Variants in TBXAS1 observed in about 807,000 individuals in gnomAD.
TBXAS1 encodes the protein thromboxane A synthase 1.
Under a neutral mutation model 60.7 loss-of-function variants are expected in TBXAS1, and 48 were observed. The observed-to-expected ratio is 0.79, with a 90% CI of 0.63 to 1.01. TBXAS1 has a LOEUF of 1.01. Among genes scored for constraint, TBXAS1 ranks in the 50% least tolerant of loss-of-function variants. The pLI, the probability that TBXAS1 is intolerant of heterozygous loss-of-function variation, is 0.00. For missense variants in TBXAS1, 685 were observed against 686.3 expected (o/e 1.00, Z 0.02); for synonymous variants, 287 against 269.7 (o/e 1.06, Z -0.63).
At chr7:139,907,668 C>A in intron 3 of TBXAS1, among the ~76,000 whole-genome samples, 1 of 151,990 alleles carries the variant, frequency 6.6e-6, no homozygotes. Context: ...ACATTGAGTA[C>A]CACATCATAG....
chr7:139,820,167 G>A (rs1798258441), intron 4 of TBXAS1, among the ~76,000 whole-genome samples: 2 of 152,054 alleles, frequency 1.3e-5, no homozygotes, highest in Admixed American at 1.3e-4. Flanking sequence ...TCTAAGACTT[G>A]CCTTAAGGCA....
At chr7:139,885,677 T>C (rs13223412) in intron 3 of TBXAS1, among the ~76,000 whole-genome samples, 90 of 152,372 alleles carry the variant, frequency 5.9e-4, no homozygotes, top group Non-Finnish European at 9.1e-4. Flanking sequence ...TTACTAAATT[T>C]GAAGAAGCAA....
chr7:139,894,450 C>T (rs1019161291), intron 3 of TBXAS1, among the ~76,000 whole-genome samples: 1 of 152,096 alleles, frequency 6.6e-6, no homozygotes, highest in Admixed American at 6.5e-5. Flanking sequence ...GCTCTCACCA[C>T]TTAGAAACCA....
chr7:139,987,389 G>A (rs1039342789), intron 9 of TBXAS1, among the ~76,000 whole-genome samples: 1 of 152,168 alleles, frequency 6.6e-6, no homozygotes, highest in Non-Finnish European at 1.5e-5. Context: ...CCCACACACT[G>A]AGAGGCCAGA....
chr7:139,783,662 GCAGGT>G (rs1486132593), intron 3 of TBXAS1, among the ~76,000 whole-genome samples: 4 of 152,226 alleles, frequency 2.6e-5, no homozygotes, highest in African/African-American at 9.7e-5. Context: ...TTAAAAGCCT[GCAGGT>G]CCTGTTAAGC....
In TBXAS1 at chr7:139,916,635, C is replaced by T. The variant is rs1039601269; in HGVS notation, c.333+5314C>T. Among the ~76,000 whole-genome samples the T allele has an allele frequency of 2.0e-5, 3 of 152,228 alleles. No homozygotes were observed. The highest frequency in any genetic ancestry group is 7.2e-5 in the African/African-American group (3 of 41,464). On this transcript the variant is annotated intron_variant, in intron 4 of 12. Coordinates refer to ENST00000448866, the MANE Select transcript of TBXAS1 (RefSeq NM_001061.7). This position sits in a 1 kb window ranked among gnomAD's most constrained non-coding sequence, Gnocchi z 4.2. ...CATTGCAGGATGAGTCACTGTGAAACCACAAACTCCTTGGCATTGGTGAAG... is the reference window on the plus strand; with the variant it reads ...CATTGCAGGATGAGTCACTGTGAAATCACAAACTCCTTGGCATTGGTGAAG...
At position 139,880,116 on chromosome 7, in the gene TBXAS1, C is replaced by G. The variant is rs1802587058; in HGVS notation, c.236+4479C>G. Among the ~76,000 whole-genome samples, 3 of 152,118 alleles carry G rather than the reference C, an allele frequency of 2.0e-5. No homozygotes were observed. In the South Asian group the frequency reaches 6.2e-4, roughly 32 times the overall value. On this transcript the variant is annotated intron_variant, in intron 3 of 12. Coordinates refer to ENST00000448866, the MANE Select transcript of TBXAS1 (RefSeq NM_001061.7). ...CCAGGCTGGTCTCAACTCCTGACCT[C>G]AAGTGATCCAACTCCCTCGGCCTGC... is the stretch of plus-strand genomic sequence containing the variant.
At chr7:139,822,453 T>C (rs1798324564) in intron 4 of TBXAS1, among the ~76,000 whole-genome samples, 2 of 152,146 alleles carry the variant, frequency 1.3e-5, no homozygotes, top group East Asian at 1.9e-4. Context: ...CACAAGCAAA[T>C]GGCTCTCAAA....
chr7:139,931,205 CTCTT>C (rs1231433908), intron 4 of TBXAS1, among the ~76,000 whole-genome samples: 1 of 152,134 alleles, frequency 6.6e-6, no homozygotes, highest in Non-Finnish European at 1.5e-5. Flanking sequence ...TATCTCTTGT[CTCTT>C]TCTCTCCTTT....
intron 1 of TBXAS1, among the ~76,000 whole-genome samples, chr7:139,832,869 G>A (rs1437387626): frequency 6.6e-6 from 1 of 152,202 alleles, no homozygotes; most frequent in Non-Finnish European, 1.5e-5. Flanking sequence ...TAAGCATCAT[G>A]TATGAAGGAA....
intron 9 of TBXAS1, among the ~76,000 whole-genome samples, chr7:139,990,803 C>T (rs959366824): frequency 6.6e-6 from 1 of 152,064 alleles, no homozygotes; most frequent in African/African-American, 2.4e-5. Flanking sequence ...AAAACCCCTC[C>T]AACCAGCTGG....
At chr7:139,873,465 A>G (rs1361425119) in intron 2 of TBXAS1, among the ~76,000 whole-genome samples, 1 of 152,214 alleles carries the variant, frequency 6.6e-6, no homozygotes, top group Non-Finnish European at 1.5e-5. Flanking sequence ...GTCGGTGATG[A>G]GAGTGAATAG....
intron 4 of TBXAS1, among the ~76,000 whole-genome samples, chr7:139,799,767 T>C (rs1195174138): frequency 6.6e-6 from 1 of 152,184 alleles, no homozygotes; most frequent in Non-Finnish European, 1.5e-5. Flanking sequence ...CTTGACTCCT[T>C]CTATTTTAGC....
intron 1 of TBXAS1, 81 bp downstream of exon 1, chr7:139,829,560 T>G: frequency 2.3e-6 from 3 of 1,323,644 alleles, no homozygotes; most frequent in Non-Finnish European, 3.2e-6. Flanking sequence ...GCGGGGTATG[T>G]GGGAGTGTGT....
chr7:139,851,411 T>G (rs1800203713), intron 1 of TBXAS1, among the ~76,000 whole-genome samples: 1 of 152,250 alleles, frequency 6.6e-6, no homozygotes, highest in African/African-American at 2.4e-5. Flanking sequence ...TGTGGGTCAG[T>G]ACAATGCCTG....
chr7:139,778,478 G>A lies in TBXAS1; in HGVS notation c.-318+7G>A, dbSNP rs1796853071. 6.5e-6 allele frequency: 1 copy of A among 152,844 alleles called. No individual in the cohort carries two copies. The allele number at this position is 152,844 out of a possible 1,614,324, so 9.5% of individuals were successfully genotyped here. ...CCGGTTGGCGCTCGCGGAGGTAGGA[G>A]TGGAATGAATGAATGAAGGAGTGGG... On this transcript the variant is annotated splice_region_variant and intron_variant, in intron 1 of 16. Transcript: ENST00000336425. This position sits in a 1 kb window ranked among gnomAD's most constrained non-coding sequence, Gnocchi z 4.8.
At chr7:139,872,872 A>C (rs990585809) in intron 2 of TBXAS1, among the ~76,000 whole-genome samples, 1 of 151,960 alleles carries the variant, frequency 6.6e-6, no homozygotes, top group African/African-American at 2.4e-5. Context: ...TCATCCATTC[A>C]CTCACCCATT....
At chr7:139,863,717 A>G (rs1402654766) in intron 1 of TBXAS1, among the ~76,000 whole-genome samples, 2 of 152,356 alleles carry the variant, frequency 1.3e-5, no homozygotes, top group East Asian at 1.9e-4. Flanking sequence ...AGAAAACAAC[A>G]AGGAACAAAG....
In TBXAS1 at chr7:139,989,596, C is replaced by T. The variant is rs184486355; in HGVS notation, c.1135-17495C>T. 2.0e-4 allele frequency among the ~76,000 whole-genome samples: 31 copies of T among 152,268 alleles called. No individual in the cohort carries two copies. In the East Asian group the frequency reaches 3.3e-3, roughly 16 times the overall value. ...AGGACCCCTGTGGTCTTTGCAGGGGCTTCACCCAGTTGAGCTGGGAAGAGA... is the reference window on the plus strand; with the variant it reads ...AGGACCCCTGTGGTCTTTGCAGGGGTTTCACCCAGTTGAGCTGGGAAGAGA... On this transcript the variant is annotated intron_variant, in intron 9 of 12. Transcript: ENST00000448866.
Sources: gnomAD v4.1 joint callset for allele counts (sites outside exome capture counted in the v4.1 genomes callset) on GRCh38, gnomAD v4.1.1 for gene constraint, Gnocchi (gnomAD v3.1) non-coding constraint, MANE v1.5 for transcripts, NCBI Gene and HGNC (gene_info 2026-07-23, HGNC 2026-07-21) for gene names.